The following MAPK8IP3 variants were observed in gnomAD, a reference collection of about 807,000 sequenced individuals.
MAPK8IP3 encodes mitogen-activated protein kinase 8 interacting protein 3, also known as C-Jun-amino-terminal kinase-interacting protein 3.
MAPK8IP3 carries 49 observed loss-of-function variants against 157.8 expected under a neutral mutation model. The observed-to-expected ratio is 0.31, with a 90% CI of 0.25 to 0.39. The LOEUF (loss-of-function observed/expected upper bound fraction) is 0.39. MAPK8IP3 is among the 10% of genes least tolerant of loss of function. MAPK8IP3 has a pLI of 1.00. For missense variants in MAPK8IP3, 1,478 were observed against 1,889.4 expected (o/e 0.78, Z 4.04); for synonymous variants, 897 against 777.7 (o/e 1.15, Z -2.55).
chr16:1,762,509 G>C (rs763195646), intron 14 of MAPK8IP3, 28 bp downstream of exon 14: 29 of 1,610,872 alleles, frequency 1.8e-5, no homozygotes, highest in Non-Finnish European at 2.3e-5. Flanking sequence ...CCCAGGAGGG[G>C]CTGCGGGATC....
intron 4 of MAPK8IP3, among the ~76,000 whole-genome samples, chr16:1,736,590 C>T (rs2039869393): frequency 2.1e-5 from 1 of 48,680 alleles, no homozygotes; most frequent in Non-Finnish European, 3.7e-5. Context: ...GAGCGTGTGA[C>T]CATCCATGTG....
At chr16:1,753,648 A>G (rs1377300866) in intron 8 of MAPK8IP3, among the ~76,000 whole-genome samples, 1 of 149,990 alleles carries the variant, frequency 6.7e-6, no homozygotes, top group Non-Finnish European at 1.5e-5. Context: ...TCACCATGTT[A>G]GCCAGGATGG....
rs1309622951 is a variant in MAPK8IP3, at chr16:1,724,240, C to T, written c.319-317C>T. Among the ~76,000 whole-genome samples the T allele has an allele frequency of 6.6e-6, 1 of 152,260 alleles. No individual in the cohort carries two copies. Among genetic ancestry groups the T allele is most frequent in the African/African-American group, 2.4e-5 (1 of 41,476 alleles). On this transcript the variant is annotated intron_variant, in intron 1 of 31. Coordinates refer to ENST00000610761, the MANE Select transcript of MAPK8IP3 (RefSeq NM_001318852.2). This position sits in a 1 kb window ranked among gnomAD's most constrained non-coding sequence, Gnocchi z 4.1. ...GGGCCCCGCATTGCTGCCCGGGTCT[C>T]ATGCAGCCACGAAGGCAGCCGTAAT... is the stretch of plus-strand genomic sequence containing the variant.
chr16:1,729,013 TG>T, intron 2 of MAPK8IP3, 124 bp from the exon 3 acceptor site: 1 of 848,304 alleles, frequency 1.2e-6, no homozygotes, highest in Non-Finnish European at 2.0e-6. Context: ...GGGCTGCTGC[TG>T]GTTGCCTCAG....
chr16:1,715,254 C>T (rs1596545799), intron 1 of MAPK8IP3, among the ~76,000 whole-genome samples: 1 of 152,162 alleles, frequency 6.6e-6, no homozygotes, highest in East Asian at 1.9e-4. Flanking sequence ...CTCAGCCCCA[C>T]ACGTAATACC....
intron 1 of MAPK8IP3, among the ~76,000 whole-genome samples, chr16:1,720,859 C>A (rs979271514): frequency 6.6e-6 from 1 of 151,908 alleles, no homozygotes; most frequent in East Asian, 1.9e-4. Flanking sequence ...ACGGTGAAAC[C>A]CCGTTTCTAC....
Position 1,741,983 on chromosome 16 carries a change from C to T in MAPK8IP3, c.603-1349C>T, listed in dbSNP as rs1391168734. ...CGGCGGCTGCTGCGTTCCCCTGTCG[C>T]CGTCTGCATCCTCCAGGCATGGCCA... On this transcript the variant is annotated intron_variant, in intron 4 of 31. Coordinates refer to ENST00000610761, the MANE Select transcript of MAPK8IP3 (RefSeq NM_001318852.2). The surrounding 1 kb of genome is among the most constrained non-coding windows in gnomAD (Gnocchi z 6.9). Among the ~76,000 whole-genome samples, 2 of 152,180 alleles carry T rather than the reference C, an allele frequency of 1.3e-5. No individual in the cohort carries two copies. The highest frequency in any genetic ancestry group is 4.8e-5 in the African/African-American group (2 of 41,440).
At position 1,768,303 on chromosome 16, in the gene MAPK8IP3, T is replaced by C. The variant is rs767784239; in HGVS notation, c.3667T>C (p.Tyr1223His). Residue 1223 changes from tyrosine (Y) to histidine (H), a missense_variant, in exon 30 of 32, where the codon TAC becomes CAC. Physicochemically the swap from Tyr to His is moderately conservative, Grantham distance 83 (BLOSUM62 2). This residue lies in a region of MAPK8IP3 where 83 missense variants were observed against 85.3 expected (regional missense o/e 0.97). Transcript: ENST00000610761. Reference sequence around the variant, plus strand: ...CAGGGCGGCCAGCAGCTTCATCCCCTACTGCTCCATGGCCCAGGCCCAGCT... The same window carrying C: ...CAGGGCGGCCAGCAGCTTCATCCCCCACTGCTCCATGGCCCAGGCCCAGCT... ...SDRAASSFIP[Y>H]CSMAQAQLCF... The C allele has an allele frequency of 6.8e-6, 11 of 1,610,014 alleles. No homozygotes were observed. The highest frequency in any genetic ancestry group is 9.3e-6 in the Non-Finnish European group (11 of 1,179,988).
intron 4 of MAPK8IP3, among the ~76,000 whole-genome samples, chr16:1,734,714 C>G (rs1307120151): frequency 6.6e-6 from 1 of 152,240 alleles, no homozygotes; most frequent in Non-Finnish European, 1.5e-5. Context: ...TGGATTCTGT[C>G]CTGCCACAAC....
At position 1,758,996 on chromosome 16, in the gene MAPK8IP3, G is replaced by A; in HGVS notation, c.1246+1G>A. On this transcript the variant is annotated splice_donor_variant, in intron 10 of 31. Transcript: ENST00000610761. LOFTEE classifies it high-confidence loss of function. ...TCCCTAGTGCGCGATGATTTCTTTG[G>A]TAAGGCTGAGGCCCCGTTCCAGCGT... 1.2e-6 allele frequency: 2 copies of A among 1,614,148 alleles called. No individual in the cohort carries two copies. The highest frequency in any genetic ancestry group is 1.7e-6 in the Non-Finnish European group (2 of 1,180,018).
chr16:1,738,054 G>T (rs1473895037), intron 4 of MAPK8IP3, among the ~76,000 whole-genome samples: 1 of 82,144 alleles, frequency 1.2e-5, no homozygotes, highest in Non-Finnish European at 2.3e-5. Flanking sequence ...GACCGTCCGT[G>T]TGAGTGTGTG....
At chr16:1,761,457 CCACCATT>C (rs1406488627) in intron 13 of MAPK8IP3, 152 bp downstream of exon 13, 11 of 640,450 alleles carry the variant, frequency 1.7e-5, no homozygotes, top group Admixed American at 9.1e-5. Flanking sequence ...GGCAGAGCGG[CCACCATT>C]CACCATTCAC....
In MAPK8IP3 at chr16:1,724,449, G is replaced by T. The variant is rs371443447; in HGVS notation, c.319-108G>T. 6.2e-6 allele frequency: 9 copies of T among 1,440,816 alleles called. No individual in the cohort carries two copies. The highest frequency in any genetic ancestry group is 8.4e-6 in the Non-Finnish European group (9 of 1,070,612). The allele number at this position is 1,440,816 out of a possible 1,614,324, so 89.3% of individuals were successfully genotyped here. ...GGCCATGGGCCAGCTTGTGGCCCTGGGGACATCTTTGGCCCCTGGGCCCTC... is the reference window on the plus strand; with the variant it reads ...GGCCATGGGCCAGCTTGTGGCCCTGTGGACATCTTTGGCCCCTGGGCCCTC... On this transcript the variant is annotated intron_variant, in intron 1 of 31. Coordinates refer to ENST00000610761, the MANE Select transcript of MAPK8IP3 (RefSeq NM_001318852.2). The surrounding 1 kb of genome is among the most constrained non-coding windows in gnomAD (Gnocchi z 4.1).
In MAPK8IP3 at chr16:1,764,198, C is replaced by A; in HGVS notation, c.2109C>A (p.Asp703Glu). Residue 703 changes from aspartate (D) to glutamate (E), a missense_variant, in exon 18 of 32, where the codon GAC becomes GAA. Asp to Glu is a conservative substitution (Grantham distance 45, BLOSUM62 2). Coordinates refer to ENST00000610761, the MANE Select transcript of MAPK8IP3 (RefSeq NM_001318852.2). The stretch of plus-strand genomic sequence containing the variant: ...ACTGCCGCCCTCTGGTGGAGAAGGA[C>A]CCCACCATGAAGGTGAGCCCGCGAG... ...PVYCRPLVEK[D>E]PTMKLWCAAG... is the part of the protein sequence containing the mutation. The A allele has an allele frequency of 2.5e-6, 4 of 1,611,258 alleles. No individual in the cohort carries two copies. Among genetic ancestry groups the A allele is most frequent in the Non-Finnish European group, 3.4e-6 (4 of 1,179,304 alleles).
rs550881910 is a variant in MAPK8IP3, at chr16:1,749,451, T to TGCCCACTCCTCCGCAGACA, written c.1216+736_1216+754dup. Among the ~76,000 whole-genome samples, 333 of 152,266 alleles carry TGCCCACTCCTCCGCAGACA rather than the reference T, an allele frequency of 2.2e-3. 3 individuals carry two copies. The highest frequency in any genetic ancestry group is 7.4e-3 in the African/African-American group (308 of 41,542). ...GGAGGAGGTTGGGAGGGTGCCCACTTGCCCACTCCTCCGCAGACAGCCCTG... is the reference window on the plus strand; with the variant it reads ...GGAGGAGGTTGGGAGGGTGCCCACTTGCCCACTCCTCCGCAGACAGCCCACTCCTCCGCAGACAGCCCTG... On this transcript the variant is annotated intron_variant, in intron 8 of 31. Coordinates refer to ENST00000610761, the MANE Select transcript of MAPK8IP3 (RefSeq NM_001318852.2).
intron 1 of MAPK8IP3, among the ~76,000 whole-genome samples, chr16:1,718,765 C>A (rs955472647): frequency 9.2e-5 from 14 of 151,720 alleles, no homozygotes; most frequent in African/African-American, 3.4e-4. Context: ...TGCACACCAG[C>A]CTGGGCAACA....
chr16:1,758,120 C>CCT, intron 8 of MAPK8IP3, 28 bp from the exon 9 acceptor site: 1 of 1,613,108 alleles, frequency 6.2e-7, no homozygotes, highest in Non-Finnish European at 8.5e-7. Flanking sequence ...CCTTCCCCTG[C>CCT]CTCTCTGTGC....
intron 4 of MAPK8IP3, among the ~76,000 whole-genome samples, chr16:1,738,178 G>A (rs1400034114): frequency 2.0e-5 from 2 of 98,728 alleles, no homozygotes; most frequent in African/African-American, 9.0e-5. Flanking sequence ...CCGTCCGTGT[G>A]AGCGTCCGTG....
At chr16:1,753,084 G>A (rs1048526772) in intron 8 of MAPK8IP3, among the ~76,000 whole-genome samples, 3 of 152,174 alleles carry the variant, frequency 2.0e-5, no homozygotes, top group African/African-American at 4.8e-5. Flanking sequence ...TGCACGTGAC[G>A]GGAGGGTGCT....
Sources: allele counts gnomAD v4.1 joint callset (sites outside exome capture counted in the v4.1 genomes callset), GRCh38; gene constraint gnomAD v4.1.1; regional missense constraint gnomAD v4.1.1; non-coding constraint Gnocchi (gnomAD v3.1); transcripts MANE v1.5; gene names NCBI Gene and HGNC (gene_info 2026-07-23, HGNC 2026-07-21).